Variants in ABR observed in about 807,000 individuals in gnomAD.
ABR encodes active breakpoint cluster region-related protein.
Under a neutral mutation model 107.2 loss-of-function variants are expected in ABR, and 35 were observed. The observed-to-expected ratio is 0.33, with a 90% CI of 0.25 to 0.43. The LOEUF (loss-of-function observed/expected upper bound fraction) is 0.43, where lower values mean the gene tolerates loss of function less well. Ranked by LOEUF, ABR falls within the 20% of genes least tolerant of loss-of-function variation. The pLI is 1.00. For missense variants in ABR, 815 were observed against 1,115.2 expected (o/e 0.73, Z 3.83); for synonymous variants, 498 against 462.0 (o/e 1.08, Z -1.00).
chr17:1,226,469 T>C (rs1231899085), intron 1 of ABR, among the ~76,000 whole-genome samples: 1 of 151,498 alleles, frequency 6.6e-6, no homozygotes, highest in Non-Finnish European at 1.5e-5. Context: ...CATGCATGTA[T>C]GTGGCACTGT....
intron 3 of ABR, among the ~76,000 whole-genome samples, chr17:1,096,697 C>CG (rs1567748156): frequency 6.7e-6 from 1 of 149,148 alleles, no homozygotes. Flanking sequence ...GAACCCGCCC[C>CG]GGGAGGAGAG....
At position 1,051,895 on chromosome 17, in the gene ABR, G is replaced by A. The variant is rs2151036328; in HGVS notation, c.1562-1261C>T. ...TTGAGACCAGCCTGACCAACATGGT[G>A]AAACCCCATCTCTACTAAAAATACA... On this transcript the variant is annotated intron_variant, in intron 14 of 22. Coordinates refer to ENST00000302538, the MANE Select transcript of ABR (RefSeq NM_021962.5). This position sits in a 1 kb window ranked among gnomAD's most constrained non-coding sequence, Gnocchi z 4.3. Among the ~76,000 whole-genome samples the A allele has an allele frequency of 6.6e-6, 1 of 152,252 alleles. No homozygotes were observed. The highest frequency in any genetic ancestry group is 3.4e-3 in the Middle Eastern group (1 of 294).
At chr17:1,066,471 C>T (rs1402303045) in intron 10 of ABR, among the ~76,000 whole-genome samples, 1 of 152,096 alleles carries the variant, frequency 6.6e-6, no homozygotes, top group African/African-American at 2.4e-5. Flanking sequence ...TTTCCTTGCA[C>T]AGGTCCTGCT....
At chr17:1,079,256 G>A (rs1347033390) in intron 6 of ABR, 74 bp downstream of exon 6, 8 of 1,558,634 alleles carry the variant, frequency 5.1e-6, no homozygotes, top group Middle Eastern at 1.7e-4. Context: ...GAAGGGCGCC[G>A]CGTTCACGCA....
chr17:1,202,497 A>G (rs966234711), intron 1 of ABR, among the ~76,000 whole-genome samples: 2 of 152,140 alleles, frequency 1.3e-5, no homozygotes, highest in Admixed American at 1.3e-4. Flanking sequence ...GTCCCCAAAC[A>G]CACACGTGCC....
chr17:1,011,761 C>G lies in ABR; in HGVS notation c.2101+85G>C. 1.4e-6 allele frequency: 2 copies of G among 1,474,518 alleles called. No homozygotes were observed. Among genetic ancestry groups the G allele is most frequent in the Non-Finnish European group, 1.8e-6 (2 of 1,109,816 alleles). 91.3% of individuals were successfully genotyped at this position (1,474,518 alleles called of 1,614,324 possible). A position where few individuals can be genotyped will look rare whatever the true frequency, so the allele number is the denominator to read the frequency against. ...AGCAAGCCTCCTCTCCAGGGAGGCT[C>G]CTGGTTCCCCCGAGCTCTCCTGTCC... On this transcript the variant is annotated intron_variant, in intron 19 of 22. Transcript: ENST00000302538. This position sits in a 1 kb window ranked among gnomAD's most constrained non-coding sequence, Gnocchi z 4.8.
upstream of ABR, among the ~76,000 whole-genome samples, chr17:1,192,257 A>T (rs934660048): frequency 1.3e-5 from 2 of 152,124 alleles, no homozygotes; most frequent in Non-Finnish European, 2.9e-5. Context: ...GATTACAGGC[A>T]TGAGCCACGG....
intron 1 of ABR, among the ~76,000 whole-genome samples, chr17:1,193,278 C>CT (rs2042476522): frequency 1.3e-5 from 2 of 150,478 alleles, no homozygotes; most frequent in Non-Finnish European, 3.0e-5. Context: ...CCCCCTCCCC[C>CT]TCAATACCCA....
At chr17:1,158,479 A>C (rs979445477) in intron 1 of ABR, among the ~76,000 whole-genome samples, 6 of 150,716 alleles carry the variant, frequency 4.0e-5, no homozygotes, top group Non-Finnish European at 5.9e-5. Context: ...AACACAGAAA[A>C]TGGCTGGGTG....
rs1263322124 is a variant in ABR, at chr17:1,078,570, C to A, written c.700+760G>T. ...ACTAGCCCACCAATTCCCCACCGAT[C>A]CTCGGGGCCACCTGGACCCCTCCAG... On this transcript the variant is annotated intron_variant, in intron 6 of 22. Transcript: ENST00000302538. This position sits in a 1 kb window ranked among gnomAD's most constrained non-coding sequence, Gnocchi z 7.5. 6.6e-6 allele frequency among the ~76,000 whole-genome samples: 1 copy of A among 152,152 alleles called. No individual in the cohort carries two copies. Among genetic ancestry groups the A allele is most frequent in the Non-Finnish European group, 1.5e-5 (1 of 68,038 alleles).
At chr17:1,160,807 C>T (rs917896167) in intron 1 of ABR, among the ~76,000 whole-genome samples, 7 of 152,212 alleles carry the variant, frequency 4.6e-5, no homozygotes, top group African/African-American at 1.7e-4. Context: ...CATCTGAGAA[C>T]CTATTCTACC....
At chr17:1,203,442 T>TCTGCGGGGGCGGAGG (rs1567889259) in intron 1 of ABR, among the ~76,000 whole-genome samples, 2 of 22,756 alleles carry the variant, frequency 8.8e-5, no homozygotes, top group South Asian at 1.8e-3. Flanking sequence ...GGGGACGGAG[T>TCTGCGGGGGCGGAGG]CTGCGGGGGC....
At chr17:1,178,444 A>G (rs2041988970) in intron 1 of ABR, among the ~76,000 whole-genome samples, 1 of 151,996 alleles carries the variant, frequency 6.6e-6, no homozygotes, top group Admixed American at 6.6e-5. Context: ...GGTACCTGTA[A>G]TCCCAGCTAC....
At chr17:1,215,698 G>A (rs552077274) in intron 1 of ABR, among the ~76,000 whole-genome samples, 2 of 151,896 alleles carry the variant, frequency 1.3e-5, no homozygotes, top group South Asian at 2.1e-4. Flanking sequence ...CATTGAGAAC[G>A]GGCCATGATG....
chr17:1,168,460 T>C (rs2041595306), intron 1 of ABR, among the ~76,000 whole-genome samples: 1 of 152,140 alleles, frequency 6.6e-6, no homozygotes, highest in Non-Finnish European at 1.5e-5. Context: ...GTTAGATCCT[T>C]GGAGCACAGA....
chr17:1,048,524 G>A (rs1222126541), intron 16 of ABR, among the ~76,000 whole-genome samples: 2 of 152,282 alleles, frequency 1.3e-5, no homozygotes, highest in African/African-American at 4.8e-5. Context: ...ATCGCAGCCT[G>A]CGCCTGGATC....
At chr17:1,127,794 A>C (rs911919309) in intron 1 of ABR, among the ~76,000 whole-genome samples, 1 of 152,192 alleles carries the variant, frequency 6.6e-6, no homozygotes, top group East Asian at 1.9e-4. Flanking sequence ...ACGGGGGGGA[A>C]GGGACGGTAG....
At chr17:1,062,140 C>T (rs921624273) in intron 10 of ABR, among the ~76,000 whole-genome samples, 4 of 152,152 alleles carry the variant, frequency 2.6e-5, no homozygotes, top group Non-Finnish European at 5.9e-5. Flanking sequence ...CGCTCCAGGC[C>T]CTTCCTCCAC....
At chr17:1,192,654 T>C (rs1048130410) in intron 1 of ABR, among the ~76,000 whole-genome samples, 7 of 152,146 alleles carry the variant, frequency 4.6e-5, no homozygotes, top group Non-Finnish European at 1.0e-4. Context: ...GGAAGGCACC[T>C]GTAATTCCAG....
Sources: allele counts gnomAD v4.1 joint callset (sites outside exome capture counted in the v4.1 genomes callset), GRCh38; gene constraint gnomAD v4.1.1; non-coding constraint Gnocchi (gnomAD v3.1); transcripts MANE v1.5; gene names NCBI Gene and HGNC (gene_info 2026-07-23, HGNC 2026-07-21).